KIF15: variants seen among roughly 807,000 people sequenced by gnomAD.
KIF15 encodes kinesin-like protein KIF15.
In KIF15, 140 loss-of-function variants were observed where a neutral mutation model predicts 190.6. The ratio of observed to expected loss-of-function variants is 0.73; its 90% CI spans 0.64 to 0.84. The LOEUF is 0.84. Ranked by LOEUF, KIF15 falls within the 40% of genes least tolerant of loss-of-function variation. The pLI, the probability that KIF15 is intolerant of heterozygous loss-of-function variation, is 0.00. For missense variants in KIF15, 1,372 were observed against 1,584.4 expected (o/e 0.87, Z 2.28); for synonymous variants, 528 against 551.3 (o/e 0.96, Z 0.59).
intron 6 of KIF15, chr3:44,864,917 A>C: frequency 7.5e-7 from 1 of 1,325,956 alleles, no homozygotes; most frequent in South Asian, 1.4e-5. Flanking sequence ...CTAGGTTTCA[A>C]GCCCAAGGCT....
At chr3:44,815,608 A>C (rs1265569159) in intron 20 of KIF15, among the ~76,000 whole-genome samples, 3 of 152,184 alleles carry the variant, frequency 2.0e-5, no homozygotes, top group African/African-American at 7.2e-5. Context: ...GTATAAGGTA[A>C]ACCAAAACAA....
At chr3:44,808,112 T>G (rs960109196) in intron 16 of KIF15, among the ~76,000 whole-genome samples, 10 of 152,126 alleles carry the variant, frequency 6.6e-5, no homozygotes, top group Non-Finnish European at 1.5e-4. Context: ...CCAGAATTTT[T>G]TTTTACTGTT....
chr3:44,814,991 A>G lies in KIF15; in HGVS notation c.2464A>G (p.Ser822Gly). 6.2e-7 allele frequency: 1 copy of G among 1,613,390 alleles called. No individual in the cohort carries two copies. Among genetic ancestry groups the G allele is most frequent in the Non-Finnish European group, 8.5e-7 (1 of 1,179,726 alleles). The change falls in exon 20 of 35, where the codon AGT (serine) becomes GGT (glycine). Residue 822 changes from serine to glycine, a missense_variant. Coordinates refer to ENST00000326047, the MANE Select transcript of KIF15 (RefSeq NM_020242.3). ...GCTTTCTTCAGTGAAATTGGAATATAGTTCATTCAAAACGAATCAGGAGAA... is the reference window on the plus strand; with the variant it reads ...GCTTTCTTCAGTGAAATTGGAATATGGTTCATTCAAAACGAATCAGGAGAA... ...KELSSVKLEYSSFKTNQEKEF... is the reference protein window; with the variant it reads ...KELSSVKLEYGSFKTNQEKEF...
chr3:44,861,583 T>C (rs537546393), intron 6 of KIF15, among the ~76,000 whole-genome samples: 1 of 152,124 alleles, frequency 6.6e-6, no homozygotes, highest in East Asian at 2.0e-4. Context: ...TTAGGCATCT[T>C]TAATAAGTTT....
intron 1 of KIF15, among the ~76,000 whole-genome samples, chr3:44,773,564 C>CA (rs1282434602): frequency 4.0e-5 from 6 of 151,778 alleles, no homozygotes; most frequent in Middle Eastern, 3.4e-3. Flanking sequence ...ATTACAGTCT[C>CA]AAAAAAAAGA....
At chr3:44,829,437 T>C (rs924246907) in intron 24 of KIF15, among the ~76,000 whole-genome samples, 5 of 139,080 alleles carry the variant, frequency 3.6e-5, no homozygotes, top group South Asian at 2.1e-4. Flanking sequence ...AATATATATG[T>C]ATATATTATA....
intron 20 of KIF15, among the ~76,000 whole-genome samples, chr3:44,822,245 A>G (rs1013691743): frequency 6.6e-6 from 1 of 152,178 alleles, no homozygotes; most frequent in South Asian, 2.1e-4. Flanking sequence ...AAAGGATTTT[A>G]TTTCTCCTTC....
intron 7 of KIF15, among the ~76,000 whole-genome samples, chr3:44,790,395 T>C (rs1706630100): frequency 6.6e-6 from 1 of 152,116 alleles, no homozygotes; most frequent in African/African-American, 2.4e-5. Context: ...GCCGGGCTGG[T>C]CTTTACACAG....
At chr3:44,833,154 C>T (rs77296758) in intron 26 of KIF15, among the ~76,000 whole-genome samples, 2,840 of 152,076 alleles carry the variant, frequency 0.019, 76 homozygotes, top group African/African-American at 0.064. Flanking sequence ...AGTTAAATTT[C>T]TCCCTGTGCT....
At position 44,831,014 on chromosome 3, in the gene KIF15, T is replaced by C. The variant is rs1698043182; in HGVS notation, c.3167T>C (p.Ile1056Thr). Residue 1056 changes from isoleucine to threonine, a missense_variant, in exon 26 of 35, where the codon ATA becomes ACA. Ile to Thr is a moderately conservative substitution (Grantham distance 89). Transcript: ENST00000326047. ...TLRLRILSED[I>T]ERDMLCEDLA... ...AGGCTGAGAATACTTTCTGAGGACATAGAGGTAGGTATTAACGCATCACAG... is the reference window on the plus strand; with the variant it reads ...AGGCTGAGAATACTTTCTGAGGACACAGAGGTAGGTATTAACGCATCACAG... The C allele has an allele frequency of 1.2e-6, 2 of 1,613,690 alleles. No homozygotes were observed. The highest frequency in any genetic ancestry group is 1.7e-5 in the Admixed American group (1 of 59,936).
intron 6 of KIF15, chr3:44,865,117 A>G: frequency 1.9e-6 from 3 of 1,613,698 alleles, no homozygotes; most frequent in Non-Finnish European, 2.5e-6. Flanking sequence ...TTCTCTGCGG[A>G]CTCACCCTAA....
chr3:44,789,689 T>A (rs998016762), intron 7 of KIF15, among the ~76,000 whole-genome samples: 1 of 97,794 alleles, frequency 1.0e-5, no homozygotes. Context: ...TATATATATA[T>A]ATAAAATAGA....
chr3:44,840,203 G>A (rs549663142), intron 27 of KIF15, 152 bp from the exon 28 acceptor site: 1 of 509,440 alleles, frequency 2.0e-6, no homozygotes, highest in East Asian at 3.5e-5. Context: ...TCTTTTTGAT[G>A]ATAGCCATCC....
intron 20 of KIF15, among the ~76,000 whole-genome samples, chr3:44,824,305 C>T (rs567436462): frequency 6.6e-6 from 1 of 152,302 alleles, no homozygotes; most frequent in Admixed American, 6.5e-5. Context: ...CCCTGCATGG[C>T]AGCCATCAGT....
At position 44,827,493 on chromosome 3, in the gene KIF15, G is replaced by A; in HGVS notation, c.2821G>A (p.Glu941Lys). The change falls in exon 23 of 35, where the codon GAG (glutamate) becomes AAG (lysine). Residue 941 changes from glutamate to lysine, a missense_variant. By Grantham distance (56) the Glu-to-Lys change is moderately conservative. Coordinates refer to ENST00000326047, the MANE Select transcript of KIF15 (RefSeq NM_020242.3). ...ILKVLEAVRQ[E>K]KQKETAKCEQ... is the part of the protein sequence containing the mutation. ...AAAAGTTCTTGAGGCTGTACGTCAG[G>A]AGAAACAGAAAGAGACGGCCAAGTG... 1 of 1,612,522 alleles carries A rather than the reference G, an allele frequency of 6.2e-7. No individual in the cohort carries two copies. Among genetic ancestry groups the A allele is most frequent in the South Asian group, 1.1e-5 (1 of 91,004 alleles).
intron 7 of KIF15, among the ~76,000 whole-genome samples, chr3:44,788,858 G>T (rs1370079182): frequency 6.6e-6 from 1 of 151,994 alleles, no homozygotes; most frequent in Non-Finnish European, 1.5e-5. Flanking sequence ...AAATTATCTG[G>T]GTCTTGTGAG....
Position 44,811,004 on chromosome 3 carries a change from A to G in KIF15, c.2130A>G (p.Gln710=). Residue 710 remains glutamine, a synonymous_variant, in exon 17 of 35, where the codon CAA becomes CAG. Coordinates refer to ENST00000326047, the MANE Select transcript of KIF15 (RefSeq NM_020242.3). ...NEPVPPEMNE[Q]AFEAISEELR... ...CAGTTCCTCCTGAGATGAATGAACA[A>G]GCTTTTGAGGCCATTTCTGAAGAGC... 6.2e-7 allele frequency: 1 copy of G among 1,613,852 alleles called. No homozygotes were observed. Among genetic ancestry groups the G allele is most frequent in the Non-Finnish European group, 8.5e-7 (1 of 1,179,926 alleles).
At chr3:44,852,406 A>G in intron 34 of KIF15, 67 bp downstream of exon 34, 1 of 1,451,624 alleles carries the variant, frequency 6.9e-7, no homozygotes, top group Admixed American at 2.1e-5. Context: ...TTGAAACCAA[A>G]TTAAAACTTA....
rs934616994 is a variant in KIF15 at position 44,789,125 on chromosome 3, G to T, written c.639+2551G>T. On this transcript the variant is annotated intron_variant, in intron 7 of 34. Transcript: ENST00000326047. ...TTTCTTTGTTTTCAGTTTATCCTGG[G>T]TTTATCATGCTGTTCTTTTTCCAAC... is the stretch of plus-strand genomic sequence containing the variant. 1.2e-4 allele frequency among the ~76,000 whole-genome samples: 18 copies of T among 152,080 alleles called. 1 individual carries two copies. In the South Asian group the frequency reaches 2.5e-3, roughly 21 times the overall value.
Sources: allele counts gnomAD v4.1 joint callset (sites outside exome capture counted in the v4.1 genomes callset), GRCh38; gene constraint gnomAD v4.1.1; transcripts MANE v1.5; gene names NCBI Gene and HGNC (gene_info 2026-07-23, HGNC 2026-07-21).